The following CNTN4 variants were observed in gnomAD, a reference collection of about 807,000 sequenced individuals.
CNTN4 encodes the protein contactin-4.
CNTN4 carries 77 observed loss-of-function variants against 122.5 expected under a neutral mutation model. The ratio of observed to expected loss-of-function variants is 0.63; its 90% CI spans 0.52 to 0.76. The LOEUF is 0.76. CNTN4 is among the 30% of genes least tolerant of loss of function. CNTN4 has a pLI of 0.00. For missense variants in CNTN4, 1,256 were observed against 1,259.1 expected, an observed-to-expected ratio of 1.00 and a Z score of 0.04; for synonymous variants, 512 against 447.0, an observed-to-expected ratio of 1.15 and a Z score of -1.83.
chr3:2,261,014 A>G (rs918218610), intron 2 of CNTN4, among the ~76,000 whole-genome samples: 3 of 152,174 alleles, frequency 2.0e-5, no homozygotes, highest in African/African-American at 7.2e-5. Flanking sequence ...TACAGGTGTG[A>G]GACACTGCAG....
At chr3:2,422,978 A>G (rs1005271607) in intron 3 of CNTN4, among the ~76,000 whole-genome samples, 1 of 152,360 alleles carries the variant, frequency 6.6e-6, no homozygotes, top group South Asian at 2.1e-4. Context: ...CTGAAAAAGC[A>G]GCATTGGCTT....
At chr3:2,227,367 A>C (rs1369561984) in intron 2 of CNTN4, among the ~76,000 whole-genome samples, 1 of 152,186 alleles carries the variant, frequency 6.6e-6, no homozygotes, top group Non-Finnish European at 1.5e-5. Flanking sequence ...ATGAACCTCA[A>C]CAGTCCATCC....
At chr3:2,516,213 A>T (rs529710652) in intron 3 of CNTN4, among the ~76,000 whole-genome samples, 1 of 152,192 alleles carries the variant, frequency 6.6e-6, no homozygotes, top group Admixed American at 6.5e-5. Flanking sequence ...GTATAAAATT[A>T]ATTTTCCAAA....
intron 3 of CNTN4, among the ~76,000 whole-genome samples, chr3:2,365,049 G>A (rs2045318531): frequency 6.6e-6 from 1 of 151,966 alleles, no homozygotes. Context: ...ACTTAAGTAC[G>A]TTTCTAAATT....
intron 17 of CNTN4, among the ~76,000 whole-genome samples, chr3:3,035,045 C>T (rs535571710): frequency 2.0e-4 from 30 of 152,208 alleles, no homozygotes; most frequent in African/African-American, 6.7e-4. Context: ...TGGTGGCTCA[C>T]GCCTGCAATC....
intron 2 of CNTN4, among the ~76,000 whole-genome samples, chr3:2,210,207 A>C (rs1356925584): frequency 6.6e-6 from 1 of 152,206 alleles, no homozygotes; most frequent in Non-Finnish European, 1.5e-5. Flanking sequence ...TTAAAAAATG[A>C]TATGATAGAT....
At chr3:2,288,257 T>A (rs758758876) in intron 2 of CNTN4, among the ~76,000 whole-genome samples, 1 of 152,154 alleles carries the variant, frequency 6.6e-6, no homozygotes, top group Non-Finnish European at 1.5e-5. Context: ...AGAATTATGG[T>A]GCTGGCACCT....
intron 3 of CNTN4, among the ~76,000 whole-genome samples, chr3:2,523,801 C>G (rs1045505321): frequency 3.3e-5 from 5 of 151,984 alleles, no homozygotes; most frequent in Non-Finnish European, 5.9e-5. Context: ...GCTTAGAAAT[C>G]AAAATGAATG....
chr3:2,797,659 A>G (rs1395087840), intron 6 of CNTN4, among the ~76,000 whole-genome samples: 1 of 152,218 alleles, frequency 6.6e-6, no homozygotes, highest in South Asian at 2.1e-4. Flanking sequence ...TGTTAGATTA[A>G]ACAAGTCCCT....
intron 6 of CNTN4, among the ~76,000 whole-genome samples, chr3:2,798,204 A>G (rs916969717): frequency 2.0e-5 from 3 of 151,522 alleles, no homozygotes; most frequent in South Asian, 2.1e-4. Context: ...TCTTAAGATA[A>G]TGGCCTTCAG....
chr3:2,397,290 G>T (rs1222787923), intron 3 of CNTN4, among the ~76,000 whole-genome samples: 1 of 152,128 alleles, frequency 6.6e-6, no homozygotes, highest in Non-Finnish European at 1.5e-5. Context: ...TTTGAAGCAA[G>T]AACTAAAAAC....
At chr3:2,440,800 A>G (rs1300900623) in intron 3 of CNTN4, among the ~76,000 whole-genome samples, 1 of 148,650 alleles carries the variant, frequency 6.7e-6, no homozygotes, top group African/African-American at 2.4e-5. Flanking sequence ...TCATACATAT[A>G]TAACAAATAT....
At chr3:2,396,122 T>C (rs1453498633) in intron 3 of CNTN4, among the ~76,000 whole-genome samples, 1 of 151,782 alleles carries the variant, frequency 6.6e-6, no homozygotes, top group South Asian at 2.1e-4. Context: ...CTTCCCGAGC[T>C]CAGGTGCTTC....
At chr3:2,765,806 A>G (rs1169537023) in intron 6 of CNTN4, among the ~76,000 whole-genome samples, 1 of 152,186 alleles carries the variant, frequency 6.6e-6, no homozygotes, top group East Asian at 1.9e-4. Flanking sequence ...CAAGAAATAC[A>G]TAGCAAGTAA....
chr3:2,876,556 G>A (rs963661069), intron 8 of CNTN4, among the ~76,000 whole-genome samples: 4 of 152,122 alleles, frequency 2.6e-5, no homozygotes, highest in Admixed American at 2.6e-4. Context: ...GCCAGCTAAG[G>A]CAGGTGTTGG....
At chr3:2,825,374 C>T (rs1299302892) in intron 7 of CNTN4, among the ~76,000 whole-genome samples, 1 of 152,114 alleles carries the variant, frequency 6.6e-6, no homozygotes, top group South Asian at 2.1e-4. Flanking sequence ...CAGGCACATG[C>T]CACCATGCCC....
intron 13 of CNTN4, among the ~76,000 whole-genome samples, chr3:2,929,010 C>T (rs1028378360): frequency 6.6e-6 from 1 of 152,206 alleles, no homozygotes; most frequent in African/African-American, 2.4e-5. Context: ...AGCATATTCA[C>T]ACTAGCCTTA....
At chr3:2,591,820 G>A (rs553616234) in intron 4 of CNTN4, among the ~76,000 whole-genome samples, 1 of 152,188 alleles carries the variant, frequency 6.6e-6, no homozygotes, top group Non-Finnish European at 1.5e-5. Flanking sequence ...AGGTGTAGTA[G>A]TCTGCTCTTT....
At chr3:2,409,920 T>C (rs912260558) in intron 3 of CNTN4, among the ~76,000 whole-genome samples, 12 of 152,252 alleles carry the variant, frequency 7.9e-5, no homozygotes, top group African/African-American at 2.9e-4. Flanking sequence ...GTGAAAATAA[T>C]TTACCAGTAT....
Sources: gnomAD v4.1 joint callset for allele counts (sites outside exome capture counted in the v4.1 genomes callset) on GRCh38, gnomAD v4.1.1 for gene constraint, MANE v1.5 for transcripts, NCBI Gene and HGNC (gene_info 2026-07-23, HGNC 2026-07-21) for gene names.